ACYP2: variants seen among roughly 807,000 people sequenced by gnomAD.
The protein encoded by ACYP2 is acylphosphatase-2.
In ACYP2, 12 loss-of-function variants were observed where a neutral mutation model predicts 11.2. The observed-to-expected ratio is 1.08, with a 90% CI of 0.69 to 1.74. The LOEUF (loss-of-function observed/expected upper bound fraction) is 1.74. ACYP2 is among the 40% of genes most tolerant of loss of function. The pLI, the probability that ACYP2 is intolerant of heterozygous loss-of-function variation, is 0.00. For missense variants in ACYP2, 134 were observed against 101.9 expected, an observed-to-expected ratio of 1.31 and a Z score of -1.35; for synonymous variants, 43 against 32.2, an observed-to-expected ratio of 1.33 and a Z score of -1.13.
chr2:54,017,236 A>G (rs1349921821), intron 2 of ACYP2, among the ~76,000 whole-genome samples: 2 of 140,978 alleles, frequency 1.4e-5, no homozygotes, highest in African/African-American at 3.0e-5. Context: ...TCTTTATACA[A>G]TCATATTGGC....
At chr2:54,121,224 A>G (rs943879691) in intron 4 of ACYP2, among the ~76,000 whole-genome samples, 1 of 152,142 alleles carries the variant, frequency 6.6e-6, no homozygotes, top group African/African-American at 2.4e-5. Flanking sequence ...CCTCTGTGTG[A>G]GAGGGGGCCT....
intron 4 of ACYP2, among the ~76,000 whole-genome samples, chr2:54,129,662 A>G (rs1392689904): frequency 6.7e-6 from 1 of 149,882 alleles, no homozygotes; most frequent in Non-Finnish European, 1.5e-5. Context: ...ATGTCTACAT[A>G]TATATGTGTA....
intron 6 of ACYP2, among the ~76,000 whole-genome samples, chr2:54,273,589 C>T (rs968249558): frequency 6.6e-6 from 1 of 152,116 alleles, no homozygotes; most frequent in Non-Finnish European, 1.5e-5. Flanking sequence ...CTCAGCCTCC[C>T]GATTAGCTAA....
At chr2:54,196,099 A>T (rs1053514425) in intron 6 of ACYP2, among the ~76,000 whole-genome samples, 2 of 152,118 alleles carry the variant, frequency 1.3e-5, no homozygotes, top group African/African-American at 4.8e-5. Context: ...TGCCCGGCCC[A>T]CATTGTCATC....
At chr2:54,244,555 A>C (rs562907621) in intron 6 of ACYP2, among the ~76,000 whole-genome samples, 3 of 152,090 alleles carry the variant, frequency 2.0e-5, no homozygotes, top group Non-Finnish European at 4.4e-5. Flanking sequence ...CATACACCAA[A>C]TTCTGTATGC....
chr2:54,276,567 T>G (rs1688581713), intron 6 of ACYP2, among the ~76,000 whole-genome samples: 1 of 151,700 alleles, frequency 6.6e-6, no homozygotes. Context: ...TGACTTTGAC[T>G]TTGATCATGA....
intron 6 of ACYP2, among the ~76,000 whole-genome samples, chr2:54,285,187 C>G (rs375134464): frequency 1.3e-5 from 2 of 152,166 alleles, no homozygotes; most frequent in East Asian, 3.8e-4. Context: ...TCCTCATGAG[C>G]TAATCATCTC....
chr2:54,129,263 A>G (rs13395143), intron 4 of ACYP2, among the ~76,000 whole-genome samples: 6,543 of 152,184 alleles, frequency 0.043, 424 homozygotes, highest in African/African-American at 0.15. Context: ...GATTTTAATC[A>G]TTAGGGATTT....
At chr2:54,122,257 T>A (rs1327549734) in intron 4 of ACYP2, among the ~76,000 whole-genome samples, 5 of 152,222 alleles carry the variant, frequency 3.3e-5, no homozygotes. Context: ...CAGGTTTCTT[T>A]AAATATCAGT....
chr2:54,057,772 G>A (rs1441326496), intron 4 of ACYP2, among the ~76,000 whole-genome samples: 2 of 152,154 alleles, frequency 1.3e-5, no homozygotes, highest in East Asian at 3.8e-4. Flanking sequence ...TAAGGTGAAT[G>A]TGGGAATTAC....
At chr2:54,183,514 A>AGAGC (rs1014634341) in intron 6 of ACYP2, among the ~76,000 whole-genome samples, 2 of 152,040 alleles carry the variant, frequency 1.3e-5, no homozygotes, top group South Asian at 2.1e-4. Context: ...CCTGGGCGAC[A>AGAGC]GAGCGAGACC....
intron 4 of ACYP2, among the ~76,000 whole-genome samples, chr2:54,087,904 A>G (rs920042225): frequency 1.6e-5 from 2 of 127,992 alleles, no homozygotes; most frequent in Non-Finnish European, 3.5e-5. Context: ...CACACAGATT[A>G]AGGATATAAA....
At chr2:54,064,974 C>T (rs951010992) in intron 4 of ACYP2, among the ~76,000 whole-genome samples, 5 of 152,066 alleles carry the variant, frequency 3.3e-5, no homozygotes, top group Non-Finnish European at 7.4e-5. Flanking sequence ...ATCCCAGGTA[C>T]TCGGGAGGCT....
At chr2:54,121,404 G>A (rs191076757) in intron 4 of ACYP2, among the ~76,000 whole-genome samples, 7 of 152,270 alleles carry the variant, frequency 4.6e-5, no homozygotes, top group East Asian at 3.9e-4. Context: ...CTGGCAACTC[G>A]GTTTCAGGTT....
At chr2:54,158,675 C>A (rs1252281832) in intron 6 of ACYP2, among the ~76,000 whole-genome samples, 2 of 152,152 alleles carry the variant, frequency 1.3e-5, no homozygotes, top group Non-Finnish European at 2.9e-5. Flanking sequence ...TAAATTTAAA[C>A]TTTGGATTCA....
intron 4 of ACYP2, 82 bp from the exon 1 acceptor site, chr2:54,115,533 C>G: frequency 1.3e-6 from 2 of 1,497,870 alleles, no homozygotes; most frequent in Non-Finnish European, 1.8e-6. Context: ...GCCCCGCAGT[C>G]TCATTTGCCG....
At chr2:54,050,271 G>C (rs569746491) in intron 2 of ACYP2, among the ~76,000 whole-genome samples, 9 of 152,262 alleles carry the variant, frequency 5.9e-5, no homozygotes, top group Non-Finnish European at 1.3e-4. Flanking sequence ...AAGTCTTGCA[G>C]GTGCTGTGGC....
intron 2 of ACYP2, among the ~76,000 whole-genome samples, chr2:54,013,014 G>T (rs527913835): frequency 6.6e-6 from 1 of 152,108 alleles, no homozygotes; most frequent in African/African-American, 2.4e-5. Context: ...CTCAAGACGT[G>T]CACTGTCGTT....
At chr2:54,088,310 G>A (rs72800729) in intron 4 of ACYP2, among the ~76,000 whole-genome samples, 14,665 of 152,214 alleles carry the variant, frequency 0.096, 868 homozygotes, top group Non-Finnish European at 0.14. Context: ...TTAGAGGAGT[G>A]GAGGGACCTC....
Sources: gnomAD v4.1 joint callset for allele counts (sites outside exome capture counted in the v4.1 genomes callset) on GRCh38, gnomAD v4.1.1 for gene constraint, MANE v1.5 for transcripts, NCBI Gene and HGNC (gene_info 2026-07-23, HGNC 2026-07-21) for gene names.